The following TRERF1 variants were observed in gnomAD, a reference collection of about 807,000 sequenced individuals.
The protein encoded by TRERF1 is transcriptional regulating factor 1, also known as transcriptional-regulating factor 1.
Under a neutral mutation model 122.9 loss-of-function variants are expected in TRERF1, and 27 were observed. That is an observed-to-expected ratio of 0.22 (90% CI 0.16 to 0.30). The LOEUF is 0.30. TRERF1 is among the 10% of genes least tolerant of loss of function. TRERF1 has a pLI of 1.00. For synonymous variants in TRERF1, 636 were observed against 641.7 expected (o/e 0.99, Z 0.13); for missense variants, 1,248 against 1,560.3 (o/e 0.80, Z 3.37).
chr6:42,330,369 T>C (rs1765045112), intron 3 of TRERF1, among the ~76,000 whole-genome samples: 1 of 152,206 alleles, frequency 6.6e-6, no homozygotes, highest in African/African-American at 2.4e-5. Flanking sequence ...CCAGTATCTA[T>C]CAAAATTTCA....
chr6:42,384,745 G>C (rs575438088), intron 2 of TRERF1, among the ~76,000 whole-genome samples: 7 of 151,848 alleles, frequency 4.6e-5, no homozygotes, highest in Admixed American at 2.0e-4. Context: ...ATTCCTATAA[G>C]TACCCATACG....
At chr6:42,347,625 C>T (rs1250115698) in intron 3 of TRERF1, among the ~76,000 whole-genome samples, 3 of 152,136 alleles carry the variant, frequency 2.0e-5, no homozygotes, top group Non-Finnish European at 4.4e-5. Context: ...AGGCAAATAC[C>T]AACTGATCAC....
intron 15 of TRERF1, 25 bp downstream of exon 15, chr6:42,243,223 G>A (rs748090275): frequency 6.3e-7 from 1 of 1,599,456 alleles, no homozygotes; most frequent in Non-Finnish European, 8.6e-7. Flanking sequence ...CCCAGCACAA[G>A]CAACAACTTA....
chr6:42,385,397 T>C (rs961971058), intron 2 of TRERF1, among the ~76,000 whole-genome samples: 9 of 152,314 alleles, frequency 5.9e-5, no homozygotes, highest in Non-Finnish European at 7.3e-5. Context: ...TACCTTCCCA[T>C]CATCTGAAAA....
Position 42,286,317 on chromosome 6 carries a change from T to C in TRERF1, c.-259+14321A>G, listed in dbSNP as rs1381458235. Among the ~76,000 whole-genome samples, 2 of 144,064 alleles carry C rather than the reference T, an allele frequency of 1.4e-5. 1 individual carries two copies. The highest frequency in any genetic ancestry group is 3.0e-5 in the Non-Finnish European group (2 of 65,964). The allele number at this position is 144,064 out of a possible 152,430, so 94.5% of individuals were successfully genotyped here. ...GGATCTAATTAAACTAAAGAGCTTC[T>C]GCACAGCAAAAGAAACTACCATCAG... On this transcript the variant is annotated intron_variant, in intron 4 of 17. Transcript: ENST00000372922.
chr6:42,364,736 A>G (rs1772406001), intron 2 of TRERF1, among the ~76,000 whole-genome samples: 1 of 152,248 alleles, frequency 6.6e-6, no homozygotes, highest in Non-Finnish European at 1.5e-5. Context: ...TGGACCAGGC[A>G]TAAGCCCCCA....
Position 42,257,384 on chromosome 6 carries a change from T to C in TRERF1, c.2337-282A>G, listed in dbSNP as rs80180361. Among the ~76,000 whole-genome samples the C allele has an allele frequency of 5.9e-3, 896 of 152,244 alleles. 9 individuals carry two copies. The highest frequency in any genetic ancestry group is 0.02 in the African/African-American group (821 of 41,540). ...AGAGGGAGGGTGATTATTTCCAACATAACAGTTTCCCAGAGCATGGCCAAT... is the reference window on the plus strand; with the variant it reads ...AGAGGGAGGGTGATTATTTCCAACACAACAGTTTCCCAGAGCATGGCCAAT... On this transcript the variant is annotated intron_variant, in intron 10 of 17. Coordinates refer to ENST00000372922, the Ensembl canonical transcript of TRERF1.
At chr6:42,305,590 T>C (rs953591871) in intron 3 of TRERF1, among the ~76,000 whole-genome samples, 14 of 151,812 alleles carry the variant, frequency 9.2e-5, no homozygotes, top group African/African-American at 3.4e-4. Context: ...ACAGCTCACA[T>C]CTACCAGACC....
rs558792404 is a variant in TRERF1, at chr6:42,269,252, C to A, written c.339G>T (p.Gln113His). 1.9e-4 allele frequency: 308 copies of A among 1,614,214 alleles called. 2 individuals carry two copies. In the South Asian group the frequency reaches 3.2e-3, roughly 17 times the overall value. The change falls in exon 5 of 18, where the codon CAG (glutamine) becomes CAT (histidine). Residue 113 changes from glutamine to histidine, a missense_variant. By Grantham distance (24) the Gln-to-His change is conservative. Around this residue, in one of 5 missense-constraint regions of TRERF1, gnomAD observed 946 missense variants for 1,073.0 expected, o/e 0.88. Coordinates refer to ENST00000372922, the Ensembl canonical transcript of TRERF1. This position sits in a 1 kb window ranked among gnomAD's most constrained non-coding sequence, Gnocchi z 4.9. ...ATTGGTAGCCATCAGTGGGCTCAGC[C>A]TGGGCTGGTGCCCCCCACATCATGT...
chr6:42,445,497 C>T (rs1395388513), intron 2 of TRERF1, among the ~76,000 whole-genome samples: 1 of 152,104 alleles, frequency 6.6e-6, no homozygotes, highest in African/African-American at 2.4e-5. Flanking sequence ...ATGGCTCCCA[C>T]ATTTTTATCT....
In TRERF1 at chr6:42,436,810, A is replaced by ATAT. The variant is rs1235613225; in HGVS notation, c.-454+14366_-454+14367insATA. Reference sequence around the variant, plus strand: ...TGCAATCTCCCTCTACAAAAAAAAAAAAAAATATATATATATATATATATA... The same window carrying ATAT: ...TGCAATCTCCCTCTACAAAAAAAAAATATAAAAATATATATATATATATATATA... On this transcript the variant is annotated intron_variant, in intron 2 of 17. Transcript: ENST00000372922. Among the ~76,000 whole-genome samples the ATAT allele has an allele frequency of 8.4e-3, 859 of 101,830 alleles. 4 individuals carry two copies. Among genetic ancestry groups the ATAT allele is most frequent in the Admixed American group, 0.018 (160 of 8,850 alleles). 66.8% of individuals were successfully genotyped at this position (101,830 alleles called of 152,430 possible).
At chr6:42,329,223 T>C (rs547582709) in intron 3 of TRERF1, among the ~76,000 whole-genome samples, 1 of 152,184 alleles carries the variant, frequency 6.6e-6, no homozygotes, top group East Asian at 2.0e-4. Flanking sequence ...GCCCCTCCTC[T>C]TGACACCAGC....
intron 3 of TRERF1, among the ~76,000 whole-genome samples, chr6:42,314,066 C>T (rs769845140): frequency 8.7e-4 from 132 of 151,862 alleles, no homozygotes; most frequent in Non-Finnish European, 1.4e-3. Context: ...TTGTGCTTAT[C>T]AGGCACGCCC....
chr6:42,404,334 T>G (rs572879778), intron 2 of TRERF1, among the ~76,000 whole-genome samples: 1 of 152,274 alleles, frequency 6.6e-6, no homozygotes, highest in East Asian at 1.9e-4. Context: ...TAGACTCCCC[T>G]GCACACCTCC....
rs979735717 is a variant in TRERF1, at chr6:42,308,967, A to G, written c.-370-8218T>C. The stretch of plus-strand genomic sequence containing the variant: ...GTTAAACATTTTTTACGTGAAAAAA[A>G]AAATGACCGATGGTTAATTTTATGT... On this transcript the variant is annotated intron_variant, in intron 3 of 17. Transcript: ENST00000372922. Among the ~76,000 whole-genome samples the G allele has an allele frequency of 2.0e-5, 3 of 152,210 alleles. No homozygotes were observed. In the East Asian group the frequency reaches 5.8e-4, roughly 29 times the overall value.
intron 2 of TRERF1, among the ~76,000 whole-genome samples, chr6:42,378,234 T>C (rs986118454): frequency 6.6e-6 from 1 of 152,120 alleles, no homozygotes; most frequent in Non-Finnish European, 1.5e-5. Flanking sequence ...GGCTGAACAC[T>C]TGGCTGATAA....
At chr6:42,318,035 T>C (rs1762787448) in intron 3 of TRERF1, among the ~76,000 whole-genome samples, 1 of 151,972 alleles carries the variant, frequency 6.6e-6, no homozygotes, top group South Asian at 2.1e-4. Context: ...GCGCCTGTAA[T>C]CCCAGCTACT....
chr6:42,269,141 A>G lies in TRERF1; in HGVS notation c.450T>C (p.Phe150=). Residue 150 remains phenylalanine, a synonymous_variant, in exon 5 of 18, where the codon TTT becomes TTC. Coordinates refer to ENST00000372922, the Ensembl canonical transcript of TRERF1. This position sits in a 1 kb window ranked among gnomAD's most constrained non-coding sequence, Gnocchi z 4.9. The stretch of plus-strand genomic sequence containing the variant: ...CCTGAATTCGCAGGTTTTGGTTGGC[A>G]AACACCTGGGTGAAAGAGTCCAGCT... The G allele has an allele frequency of 6.2e-7, 1 of 1,614,228 alleles. No homozygotes were observed. Among genetic ancestry groups the G allele is most frequent in the South Asian group, 1.1e-5 (1 of 91,084 alleles).
intron 2 of TRERF1, among the ~76,000 whole-genome samples, chr6:42,383,427 C>A (rs1034810698): frequency 3.3e-5 from 5 of 152,118 alleles, no homozygotes; most frequent in Non-Finnish European, 7.4e-5. Context: ...CCTAACACCC[C>A]CTTCCTCCTC....
Sources: allele counts gnomAD v4.1 joint callset (sites outside exome capture counted in the v4.1 genomes callset), GRCh38; gene constraint gnomAD v4.1.1; regional missense constraint gnomAD v4.1.1; non-coding constraint Gnocchi (gnomAD v3.1); transcripts MANE v1.5; gene names NCBI Gene and HGNC (gene_info 2026-07-23, HGNC 2026-07-21).